Variants in FHIT observed in about 807,000 individuals in gnomAD.
FHIT encodes the protein bis(5'-adenosyl)-triphosphatase.
In FHIT, 19 loss-of-function variants were observed where a neutral mutation model predicts 17.9. That is an observed-to-expected ratio of 1.06 (90% CI 0.74 to 1.56). The LOEUF (loss-of-function observed/expected upper bound fraction) is 1.56, where lower values mean the gene tolerates loss of function less well. Ranked by LOEUF, FHIT falls within the 40% of genes most tolerant of loss-of-function variation. FHIT has a pLI of 0.00. For missense variants in FHIT, 248 were observed against 189.2 expected (o/e 1.31, Z -1.82); for synonymous variants, 81 against 69.7 (o/e 1.16, Z -0.81).
intron 1 of FHIT, among the ~76,000 whole-genome samples, chr3:61,233,473 A>G (rs952940439): frequency 1.3e-5 from 2 of 152,178 alleles, no homozygotes; most frequent in Admixed American, 1.3e-4. Context: ...TAATTTTTCA[A>G]TACCTTCTTT....
chr3:59,922,805 C>T (rs781217659), intron 7 of FHIT, among the ~76,000 whole-genome samples: 2 of 152,110 alleles, frequency 1.3e-5, no homozygotes, highest in African/African-American at 2.4e-5. Flanking sequence ...AAGTAAAGAG[C>T]GAGTGAATGA....
chr3:59,764,902 AC>A (rs1701718141), intron 8 of FHIT, among the ~76,000 whole-genome samples: 1 of 126,998 alleles, frequency 7.9e-6, no homozygotes, highest in Non-Finnish European at 1.6e-5. Flanking sequence ...ACACACACAC[AC>A]ACACACACAC....
intron 5 of FHIT, among the ~76,000 whole-genome samples, chr3:60,061,618 G>T (rs1702298338): frequency 6.6e-6 from 1 of 152,168 alleles, no homozygotes; most frequent in African/African-American, 2.4e-5. Flanking sequence ...ATCACAGCAG[G>T]ATATTTTTCT....
chr3:61,137,734 T>C (rs1025957817), intron 2 of FHIT, among the ~76,000 whole-genome samples: 1 of 152,216 alleles, frequency 6.6e-6, no homozygotes. Context: ...GAGATACTTC[T>C]CAGAGCCCAA....
intron 8 of FHIT, among the ~76,000 whole-genome samples, chr3:59,823,230 C>T (rs1320513640): frequency 6.6e-6 from 1 of 152,082 alleles, no homozygotes; most frequent in Non-Finnish European, 1.5e-5. Flanking sequence ...TAATGTGATG[C>T]CTCCAGATTT....
At chr3:61,091,913 C>G (rs776541129) in intron 2 of FHIT, among the ~76,000 whole-genome samples, 53 of 137,870 alleles carry the variant, frequency 3.8e-4, no homozygotes, top group Non-Finnish European at 6.8e-4. Flanking sequence ...GTGCTCCAGC[C>G]TGGGCAACAG....
chr3:59,976,527 G>A (rs948881385), intron 7 of FHIT, among the ~76,000 whole-genome samples: 1 of 151,840 alleles, frequency 6.6e-6, no homozygotes, highest in African/African-American at 2.4e-5. Flanking sequence ...TGTCATGGAG[G>A]GGTCATAAGG....
chr3:60,740,287 A>G (rs555556448), intron 4 of FHIT, among the ~76,000 whole-genome samples: 1 of 152,314 alleles, frequency 6.6e-6, no homozygotes, highest in South Asian at 2.1e-4. Context: ...CTGGTTTTAA[A>G]TCTAGATTCT....
chr3:61,136,768 C>G (rs372865607), intron 2 of FHIT, among the ~76,000 whole-genome samples: 81 of 152,264 alleles, frequency 5.3e-4, no homozygotes, highest in African/African-American at 1.9e-3. Context: ...TGTTGGTACT[C>G]AGGAAAACCT....
intron 4 of FHIT, among the ~76,000 whole-genome samples, chr3:60,584,715 T>C (rs17063578): frequency 0.039 from 5,947 of 152,118 alleles, 255 homozygotes; most frequent in East Asian, 0.16. Flanking sequence ...CTGCACTGCA[T>C]TGTACAACTG....
chr3:59,925,030 TC>T (rs995277168), intron 7 of FHIT, among the ~76,000 whole-genome samples: 31 of 151,870 alleles, frequency 2.0e-4, no homozygotes, highest in African/African-American at 4.1e-4. Flanking sequence ...CTCTTTTTTT[TC>T]CTTCTTTCCT....
rs560985058 is a variant in FHIT, at chr3:60,751,311, A to C, written c.-18+70608T>G. Among the ~76,000 whole-genome samples, 21 of 152,382 alleles carry C rather than the reference A, an allele frequency of 1.4e-4. No individual in the cohort carries two copies. The South Asian group carries it at 4.3e-3, about 32-fold the overall frequency. On this transcript the variant is annotated intron_variant, in intron 4 of 9. Transcript: ENST00000492590. ...AGAGAGGTGTTCAATGGATACTTAGAGTGAGACAGCACCAAATTATTTTTC... is the reference window on the plus strand; with the variant it reads ...AGAGAGGTGTTCAATGGATACTTAGCGTGAGACAGCACCAAATTATTTTTC...
chr3:60,926,160 T>A (rs1184428001), intron 3 of FHIT, among the ~76,000 whole-genome samples: 1 of 151,968 alleles, frequency 6.6e-6, no homozygotes, highest in African/African-American at 2.4e-5. Flanking sequence ...GACAGAAAGT[T>A]AACAAGGATA....
intron 3 of FHIT, among the ~76,000 whole-genome samples, chr3:60,988,119 T>A (rs545597553): frequency 6.6e-6 from 1 of 152,344 alleles, no homozygotes; most frequent in East Asian, 1.9e-4. Context: ...AAAAATCAGA[T>A]GTTTGTTGGT....
Position 60,019,479 on chromosome 3 carries a change from C to A in FHIT, c.104-5327G>T, listed in dbSNP as rs1324563274. On this transcript the variant is annotated intron_variant, in intron 5 of 9. Coordinates refer to ENST00000492590, the MANE Select transcript of FHIT (RefSeq NM_002012.4). ...CGTTGCCCAGGCTGGAGAGCAATGG[C>A]ACAATCTCAGCTCAGTGCAACCTCT... is the stretch of plus-strand genomic sequence containing the variant. 1.3e-4 allele frequency among the ~76,000 whole-genome samples: 19 copies of A among 144,106 alleles called. 1 individual carries two copies. In the Admixed American group the frequency reaches 1.4e-3, roughly 11 times the overall value. 94.5% of individuals were successfully genotyped at this position (144,106 alleles called of 152,430 possible). A position where few individuals can be genotyped will look rare whatever the true frequency, so the allele number is the denominator to read the frequency against.
intron 8 of FHIT, among the ~76,000 whole-genome samples, chr3:59,879,719 G>A (rs1022292613): frequency 4.6e-5 from 7 of 152,126 alleles, no homozygotes; most frequent in Non-Finnish European, 1.0e-4. Flanking sequence ...TTGGACACTG[G>A]CAATGATGGG....
At chr3:60,641,128 C>T (rs1174354901) in intron 4 of FHIT, among the ~76,000 whole-genome samples, 2 of 151,910 alleles carry the variant, frequency 1.3e-5, no homozygotes, top group East Asian at 3.9e-4. Flanking sequence ...TGTAGTAAGC[C>T]AAGATTATGC....
Position 61,206,338 on chromosome 3 carries a change from T to A in FHIT, c.-212-5673A>T, listed in dbSNP as rs1395745592. The stretch of plus-strand genomic sequence containing the variant: ...TTCCATATGAACTTTAAAGTAGTTT[T>A]TTCCAATTCTGTGAAGAAAGTCATT... On this transcript the variant is annotated intron_variant, in intron 1 of 9. Transcript: ENST00000492590. 8.1e-5 allele frequency among the ~76,000 whole-genome samples: 11 copies of A among 135,982 alleles called. 1 individual carries two copies. Among genetic ancestry groups the A allele is most frequent in the South Asian group, 2.6e-4 (1 of 3,892 alleles). The allele number at this position is 135,982 out of a possible 152,430, so 89.2% of individuals were successfully genotyped here.
At chr3:60,331,321 T>A (rs1709963631) in intron 5 of FHIT, among the ~76,000 whole-genome samples, 1 of 152,146 alleles carries the variant, frequency 6.6e-6, no homozygotes, top group East Asian at 1.9e-4. Flanking sequence ...TAGGTTCCCC[T>A]CTCCCCACAT....
Sources: allele counts gnomAD v4.1 joint callset (sites outside exome capture counted in the v4.1 genomes callset), GRCh38; gene constraint gnomAD v4.1.1; transcripts MANE v1.5; gene names NCBI Gene and HGNC (gene_info 2026-07-23, HGNC 2026-07-21).